Variants in SIPA1L1 observed in about 807,000 individuals in gnomAD.
SIPA1L1 encodes the protein signal-induced proliferation-associated 1-like protein 1.
SIPA1L1 carries 26 observed loss-of-function variants against 162.7 expected under a neutral mutation model. That is an observed-to-expected ratio of 0.16 (90% confidence interval 0.12 to 0.22). SIPA1L1 has a LOEUF of 0.22. Among genes scored for constraint, SIPA1L1 ranks in the 10% least tolerant of loss-of-function variants. The pLI, the probability that SIPA1L1 is intolerant of heterozygous loss-of-function variation, is 1.00. For synonymous variants in SIPA1L1, 829 were observed against 837.4 expected, an observed-to-expected ratio of 0.99 and a Z score of 0.17; for missense variants, 1,874 against 2,241.0, an observed-to-expected ratio of 0.84 and a Z score of 3.31.
chr14:71,425,311 T>G (rs909518967), intron 2 of SIPA1L1, among the ~76,000 whole-genome samples: 4 of 152,118 alleles, frequency 2.6e-5, no homozygotes, highest in African/African-American at 9.6e-5. Context: ...AAAGTTAGGT[T>G]TTTGACTTGA....
At chr14:71,417,414 G>GTGAGCCGA (rs1322759850) in intron 2 of SIPA1L1, among the ~76,000 whole-genome samples, 1 of 123,004 alleles carries the variant, frequency 8.1e-6, no homozygotes, top group East Asian at 2.7e-4. Flanking sequence ...GGAGCCTGCA[G>GTGAGCCGA]TGAGCCGAGA....
Position 71,674,102 on chromosome 14 carries a change from T to G in SIPA1L1, c.3104+1480T>G, listed in dbSNP as rs148901833. 1.4e-4 allele frequency among the ~76,000 whole-genome samples: 22 copies of G among 152,360 alleles called. 1 individual carries two copies. In the East Asian group the frequency reaches 3.3e-3, roughly 23 times the overall value. On this transcript the variant is annotated intron_variant, in intron 12 of 23. Transcript: ENST00000381232. ...ATAAATGGGAGAAGATAGCCAAGCT[T>G]TGTAAATTGTCAACCTTAATTACCT...
chr14:71,674,161 C>T (rs1213925881), intron 12 of SIPA1L1, among the ~76,000 whole-genome samples: 2 of 152,128 alleles, frequency 1.3e-5, no homozygotes, highest in African/African-American at 2.4e-5. Flanking sequence ...GTCTAAGGAC[C>T]GTCTACTGAA....
chr14:71,462,066 G>T (rs1386709890), intron 2 of SIPA1L1, among the ~76,000 whole-genome samples: 1 of 152,174 alleles, frequency 6.6e-6, no homozygotes, highest in Non-Finnish European at 1.5e-5. Flanking sequence ...ATGCTGCTGT[G>T]CATGACCCAC....
chr14:71,348,574 C>T (rs1218167009), intron 2 of SIPA1L1, among the ~76,000 whole-genome samples: 1 of 152,170 alleles, frequency 6.6e-6, no homozygotes, highest in Non-Finnish European at 1.5e-5. Context: ...GCACATGGGG[C>T]ATGCCTTCCC....
At chr14:71,472,355 C>CAAA (rs34186703) in intron 2 of SIPA1L1, among the ~76,000 whole-genome samples, 10 of 136,692 alleles carry the variant, frequency 7.3e-5, no homozygotes, top group African/African-American at 2.2e-4. Context: ...AGGCAAGCCT[C>CAAA]AAAAAAAAAA....
At chr14:71,530,820 G>A (rs1567159095) in intron 4 of SIPA1L1, among the ~76,000 whole-genome samples, 1 of 152,044 alleles carries the variant, frequency 6.6e-6, no homozygotes, top group Non-Finnish European at 1.5e-5. Context: ...TATGATTTTT[G>A]GATGCTTTTT....
At chr14:71,486,393 A>C (rs1294065760) in intron 2 of SIPA1L1, among the ~76,000 whole-genome samples, 1 of 152,224 alleles carries the variant, frequency 6.6e-6, no homozygotes. Context: ...CAGGAGCTCC[A>C]GCCTAGTTGT....
intron 7 of SIPA1L1, among the ~76,000 whole-genome samples, chr14:71,638,949 A>G (rs1220269016): frequency 1.3e-5 from 2 of 152,226 alleles, no homozygotes; most frequent in Non-Finnish European, 2.9e-5. Context: ...CTATAATCCC[A>G]GATAGTCAGG....
At chr14:71,691,730 A>T (rs988259636) in intron 13 of SIPA1L1, among the ~76,000 whole-genome samples, 2 of 151,756 alleles carry the variant, frequency 1.3e-5, no homozygotes, top group African/African-American at 4.8e-5. Context: ...GAGCTCCTCT[A>T]CTTGGTGCAC....
chr14:71,400,410 TA>T (rs1237938170), intron 2 of SIPA1L1, among the ~76,000 whole-genome samples: 1 of 152,198 alleles, frequency 6.6e-6, no homozygotes, highest in African/African-American at 2.4e-5. Flanking sequence ...AAGCATTTTT[TA>T]TTTTTTTATC....
Position 71,588,069 on chromosome 14 carries a change from C to T in SIPA1L1, c.197C>T (p.Thr66Ile). ...CGAAGTGAAGGTTCTCACCATATAA[C>T]CTCAACCCCCGGAGTCCCAAAAATG... ...PPRSEGSHHI[T>I]STPGVPKMGV... Residue 66 changes from threonine (T) to isoleucine (I), a missense_variant, in exon 5 of 24, where the codon ACC becomes ATC. This residue lies in a region of SIPA1L1 where 685 missense variants were observed against 828.0 expected (regional missense o/e 0.83). Coordinates refer to ENST00000381232, the MANE Select transcript of SIPA1L1 (RefSeq NM_001386936.1). This position sits in a 1 kb window ranked among gnomAD's most constrained non-coding sequence, Gnocchi z 4.3. The T allele has an allele frequency of 6.2e-7, 1 of 1,614,116 alleles. No individual in the cohort carries two copies. The highest frequency in any genetic ancestry group is 1.1e-5 in the South Asian group (1 of 91,082).
At chr14:71,470,455 C>T (rs1301649948) in intron 2 of SIPA1L1, among the ~76,000 whole-genome samples, 1 of 152,160 alleles carries the variant, frequency 6.6e-6, no homozygotes, top group Non-Finnish European at 1.5e-5. Context: ...CAAGAAGCCA[C>T]CTGCAGAATG....
At chr14:71,591,618 G>A (rs763710443) in intron 5 of SIPA1L1, among the ~76,000 whole-genome samples, 1 of 151,996 alleles carries the variant, frequency 6.6e-6, no homozygotes, top group Non-Finnish European at 1.5e-5. Flanking sequence ...ACTCAAGCAG[G>A]GAATTGTTAA....
chr14:71,465,970 T>C (rs528384428), intron 2 of SIPA1L1, among the ~76,000 whole-genome samples: 4 of 152,300 alleles, frequency 2.6e-5, no homozygotes, highest in Non-Finnish European at 5.9e-5. Flanking sequence ...GCTGATTAGA[T>C]TGTGCCCACC....
intron 4 of SIPA1L1, among the ~76,000 whole-genome samples, chr14:71,543,701 C>CT (rs561910140): frequency 0.02 from 2,533 of 126,360 alleles, 33 homozygotes; most frequent in South Asian, 0.03. Flanking sequence ...TAACTTTTTT[C>CT]TTTTTTTTTT....
At chr14:71,696,538 G>A (rs529123575) in intron 13 of SIPA1L1, among the ~76,000 whole-genome samples, 2 of 152,330 alleles carry the variant, frequency 1.3e-5, no homozygotes, top group South Asian at 2.1e-4. Flanking sequence ...GTGACCAACT[G>A]TTGTTCAAGT....
intron 2 of SIPA1L1, among the ~76,000 whole-genome samples, chr14:71,337,572 T>C (rs1053963522): frequency 7.9e-5 from 12 of 152,208 alleles, no homozygotes; most frequent in South Asian, 4.1e-4. Context: ...ATGAGACTTA[T>C]TCACTATCAC....
At chr14:71,700,937 T>G (rs2082043765) in intron 14 of SIPA1L1, among the ~76,000 whole-genome samples, 1 of 123,480 alleles carries the variant, frequency 8.1e-6, no homozygotes, top group African/African-American at 3.1e-5. Context: ...GAGCTTGCAG[T>G]GAGCCCGAGA....
Sources: gnomAD v4.1 joint callset for allele counts (sites outside exome capture counted in the v4.1 genomes callset) on GRCh38, gnomAD v4.1.1 for gene constraint, gnomAD v4.1.1 regional missense constraint, Gnocchi (gnomAD v3.1) non-coding constraint, MANE v1.5 for transcripts, NCBI Gene and HGNC (gene_info 2026-07-23, HGNC 2026-07-21) for gene names.